The following ELFN2 variants were observed in gnomAD, a reference collection of about 807,000 sequenced individuals.
ELFN2 encodes the protein extracellular leucine rich repeat and fibronectin type III domain containing 2.
A neutral mutation model predicts 45.5 loss-of-function variants in ELFN2; 17 were observed. That is an observed-to-expected ratio of 0.37 (90% CI 0.26 to 0.56). The LOEUF is 0.56. Ranked by LOEUF, ELFN2 falls within the 20% of genes least tolerant of loss-of-function variation. The pLI is 0.77. For synonymous variants in ELFN2, 550 were observed against 551.5 expected, an observed-to-expected ratio of 1.00 and a Z score of 0.04; for missense variants, 922 against 1,183.2, an observed-to-expected ratio of 0.78 and a Z score of 3.24.
intron 2 of ELFN2, among the ~76,000 whole-genome samples, chr22:37,411,507 T>C (rs909155530): frequency 2.6e-5 from 4 of 152,116 alleles, no homozygotes; most frequent in Non-Finnish European, 5.9e-5. Context: ...TCAGACAATG[T>C]CCTCTGGGAC....
Position 37,374,894 on chromosome 22 carries a change from T to C in ELFN2, c.641A>G (p.Gln214Arg), listed in dbSNP as rs772372149. 1 of 1,611,722 alleles carries C rather than the reference T, an allele frequency of 6.2e-7. No individual in the cohort carries two copies. Among genetic ancestry groups the C allele is most frequent in the Admixed American group, 1.7e-5 (1 of 60,004 alleles). ...NNVTKNYDRL[Q>R]CESPREFAGY... ...GGCAAACTCCCGCGGCGACTCACAC[T>C]GCAGGCGGTCGTAGTTCTTGGTGAC... Residue 214 changes from glutamine (Q) to arginine (R), a missense_variant, in exon 3 of 3, where the codon CAG becomes CGG. Transcript: ENST00000402918.
chr22:37,375,306 G>A lies in ELFN2; in HGVS notation c.229C>T (p.Arg77Cys), dbSNP rs1481151691. Reference sequence around the variant, plus strand: ...TTGAGGTCGGTGAGGTTCCCAAAGCGGTTGAGCGAGGAGTAGAGCACGGCT... The same window carrying A: ...TTGAGGTCGGTGAGGTTCCCAAAGCAGTTGAGCGAGGAGTAGAGCACGGCT... ...LKAVLYSSLN[R>C]FGNLTDLNLT... is the part of the protein sequence containing the mutation. Residue 77 changes from arginine to cysteine, a missense_variant, in exon 3 of 3, where the codon CGC (arginine) becomes TGC (cysteine). Physicochemically the swap from Arg to Cys is radical, Grantham distance 180. This residue lies in a region of ELFN2 where 358 missense variants were observed against 540.4 expected (regional missense o/e 0.66). Coordinates refer to ENST00000402918, the MANE Select transcript of ELFN2 (RefSeq NM_052906.5). The A allele has an allele frequency of 1.2e-5, 19 of 1,614,016 alleles. No homozygotes were observed. Among genetic ancestry groups the A allele is most frequent in the Admixed American group, 3.3e-5 (2 of 59,998 alleles).
intron 2 of ELFN2, among the ~76,000 whole-genome samples, chr22:37,406,289 C>A (rs751253351): frequency 6.6e-6 from 1 of 152,220 alleles, no homozygotes; most frequent in Admixed American, 6.5e-5. Context: ...ACAGCAGTTA[C>A]GATCGGTGAT....
At chr22:37,392,533 T>C (rs548079482) in intron 2 of ELFN2, among the ~76,000 whole-genome samples, 1 of 152,258 alleles carries the variant, frequency 6.6e-6, no homozygotes, top group East Asian at 1.9e-4. Flanking sequence ...TTAGCCAGGA[T>C]GGTCTCGATC....
chr22:37,408,715 C>A (rs1270777385), intron 2 of ELFN2, among the ~76,000 whole-genome samples: 2 of 152,182 alleles, frequency 1.3e-5, no homozygotes, highest in Non-Finnish European at 2.9e-5. Flanking sequence ...GTTCAGATGG[C>A]CAGTTTCAAA....
At chr22:37,384,869 T>G (rs1931902097) in intron 2 of ELFN2, 1 of 151,492 alleles carries the variant, frequency 6.6e-6, no homozygotes, top group South Asian at 2.1e-4. Context: ...CTGGACCCGC[T>G]CTTTCACCAG....
At chr22:37,363,296 G>C (rs956739163), downstream of ELFN2, among the ~76,000 whole-genome samples, 1 of 152,142 alleles carries the variant, frequency 6.6e-6, no homozygotes, top group African/African-American at 2.4e-5. Flanking sequence ...TAACATATGG[G>C]GATTGAGCCA....
chr22:37,373,140 C>T lies in ELFN2; in HGVS notation c.2395G>A (p.Ala799Thr), dbSNP rs894630686. ...ATGTCATGCAGATCCTCGTCCTTGG[C>T]GAACTGGACCTTCTTGCGCAGGGCG... ...GHALRKKVQF[A>T]KDEDLHDILD... Residue 799 changes from alanine to threonine, a missense_variant, in exon 3 of 3, where the codon GCC (alanine) becomes ACC (threonine). Physicochemically the swap from Ala to Thr is moderately conservative, Grantham distance 58. Transcript: ENST00000402918. The T allele has an allele frequency of 1.4e-5, 22 of 1,612,866 alleles. No homozygotes were observed. The highest frequency in any genetic ancestry group is 2.2e-5 in the East Asian group (1 of 44,860).
chr22:37,389,999 C>G (rs1932049981), intron 2 of ELFN2, among the ~76,000 whole-genome samples: 1 of 152,148 alleles, frequency 6.6e-6, no homozygotes, highest in Non-Finnish European at 1.5e-5. Context: ...CCCAAGGAGC[C>G]CACGGGCCCT....
At chr22:37,410,782 A>T (rs1383626873) in intron 2 of ELFN2, among the ~76,000 whole-genome samples, 3 of 152,118 alleles carry the variant, frequency 2.0e-5, no homozygotes, top group Non-Finnish European at 4.4e-5. Flanking sequence ...CCAGCGGGGG[A>T]TGAATATGAA....
chr22:37,408,101 C>A (rs1932552838), intron 2 of ELFN2, among the ~76,000 whole-genome samples: 1 of 152,208 alleles, frequency 6.6e-6, no homozygotes, highest in African/African-American at 2.4e-5. Context: ...CGGGTGTGTG[C>A]ATGAGAATGT....
Position 37,375,440 on chromosome 22 carries a change from C to G in ELFN2, c.95G>C (p.Gly32Ala). 6.2e-7 allele frequency: 1 copy of G among 1,613,372 alleles called. No homozygotes were observed. Among genetic ancestry groups the G allele is most frequent in the Non-Finnish European group, 8.5e-7 (1 of 1,179,714 alleles). Residue 32 changes from glycine (G) to alanine (A), a missense_variant, in exon 3 of 3, where the codon GGC becomes GCC. This residue lies in a region of ELFN2 where 358 missense variants were observed against 540.4 expected (regional missense o/e 0.66). Transcript: ENST00000402918. ...ADCWLIEGDK[G>A]YVWLAICSQN... The stretch of plus-strand genomic sequence containing the variant: ...GCTGCAGATGGCCAGCCACACGTAG[C>G]CCTTGTCGCCCTCAATGAGCCAGCA...
At chr22:37,424,638 G>T (rs2145695301) in intron 1 of ELFN2, among the ~76,000 whole-genome samples, 1 of 152,064 alleles carries the variant, frequency 6.6e-6, no homozygotes, top group East Asian at 1.9e-4. Context: ...TCGAGAAGGG[G>T]CTGGGTAATC....
At chr22:37,360,480 C>T (rs1280311654) in intron 1 of ELFN2, among the ~76,000 whole-genome samples, 2 of 152,204 alleles carry the variant, frequency 1.3e-5, no homozygotes, top group African/African-American at 2.4e-5. Context: ...GAGCACAGTG[C>T]GGACACACAG....
intron 1 of ELFN2, among the ~76,000 whole-genome samples, chr22:37,422,494 C>T (rs987062260): frequency 2.0e-5 from 3 of 151,932 alleles, no homozygotes; most frequent in African/African-American, 4.8e-5. Context: ...ATCACGAGGT[C>T]AGGAGTTCGA....
At chr22:37,387,959 C>T (rs1414186427) in intron 2 of ELFN2, among the ~76,000 whole-genome samples, 1 of 151,954 alleles carries the variant, frequency 6.6e-6, no homozygotes, top group Admixed American at 6.6e-5. Context: ...GCCCCTTCCC[C>T]CTCCTCCCCT....
chr22:37,357,529 C>G (rs962254599), intron 1 of ELFN2, among the ~76,000 whole-genome samples: 26 of 152,320 alleles, frequency 1.7e-4, no homozygotes, highest in African/African-American at 5.8e-4. Context: ...TTTAGCCACA[C>G]TTCTTATGGG....
intron 2 of ELFN2, among the ~76,000 whole-genome samples, chr22:37,382,706 C>T (rs749530401): frequency 2.0e-5 from 3 of 152,110 alleles, no homozygotes; most frequent in Non-Finnish European, 4.4e-5. Flanking sequence ...CATGCCACGA[C>T]GCCCAGCTAA....
intron 2 of ELFN2, among the ~76,000 whole-genome samples, chr22:37,400,378 C>T (rs764854950): frequency 1.4e-4 from 22 of 152,220 alleles, no homozygotes; most frequent in Non-Finnish European, 2.8e-4. Flanking sequence ...GGCCCACACA[C>T]CTGTGCCTGA....
Sources: allele counts gnomAD v4.1 joint callset (sites outside exome capture counted in the v4.1 genomes callset), GRCh38; gene constraint gnomAD v4.1.1; regional missense constraint gnomAD v4.1.1; transcripts MANE v1.5; gene names NCBI Gene and HGNC (gene_info 2026-07-23, HGNC 2026-07-21).